The following NALF1 variants were observed in gnomAD, a reference collection of about 807,000 sequenced individuals.
NALF1 encodes NALCN channel auxiliary factor 1.
In NALF1, 3 loss-of-function variants were observed where a neutral mutation model predicts 48.4. The observed-to-expected ratio is 0.06, with a 90% CI of 0.03 to 0.16. The LOEUF (loss-of-function observed/expected upper bound fraction) is 0.16, where lower values mean the gene tolerates loss of function less well. Ranked by LOEUF, NALF1 falls within the 10% of genes least tolerant of loss-of-function variation. NALF1 has a pLI of 1.00. For synonymous variants in NALF1, 262 were observed against 245.7 expected (o/e 1.07, Z -0.62); for missense variants, 526 against 571.5 (o/e 0.92, Z 0.81).
chr13:107,754,550 GT>G (rs546289066), intron 1 of NALF1, among the ~76,000 whole-genome samples: 60 of 149,400 alleles, frequency 4.0e-4, no homozygotes, highest in Non-Finnish European at 6.6e-4. Context: ...TCACTAGATG[GT>G]TTTTTTTTTC....
intron 1 of NALF1, among the ~76,000 whole-genome samples, chr13:107,767,882 T>C (rs1877458740): frequency 6.6e-6 from 1 of 152,222 alleles, no homozygotes; most frequent in African/African-American, 2.4e-5. Flanking sequence ...ATGTTTTATA[T>C]GAGAAGAGAC....
rs554576092 is a variant in NALF1 at position 107,165,883 on chromosome 13, A to G, written c.*4614T>C. ...GAGTCTGTTTCCCTTGTCAAAGTAG[A>G]TATGGTTTTTAAATGACCATGCTGC... is the stretch of plus-strand genomic sequence containing the variant. On this transcript the variant is annotated 3_prime_UTR_variant, in exon 3 of 3. Coordinates refer to ENST00000375915, the MANE Select transcript of NALF1 (RefSeq NM_001080396.3). 6 of 152,246 alleles carry G rather than the reference A, an allele frequency of 3.9e-5. No individual in the cohort carries two copies. In the East Asian group the frequency reaches 1.2e-3, roughly 29 times the overall value. The allele number at this position is 152,246 out of a possible 1,614,324, so 9.4% of individuals were successfully genotyped here. A position where few individuals can be genotyped will look rare whatever the true frequency, so the allele number is the denominator to read the frequency against.
At chr13:107,445,197 T>A (rs1884629242) in intron 1 of NALF1, among the ~76,000 whole-genome samples, 1 of 152,146 alleles carries the variant, frequency 6.6e-6, no homozygotes, top group South Asian at 2.1e-4. Flanking sequence ...ACAATGAAGG[T>A]ACAGAATGAC....
At chr13:107,579,487 G>C (rs116650428) in intron 1 of NALF1, among the ~76,000 whole-genome samples, 2 of 152,176 alleles carry the variant, frequency 1.3e-5, no homozygotes, top group Non-Finnish European at 2.9e-5. Flanking sequence ...AAAGAGAAAA[G>C]CAAAGTCTCT....
At chr13:107,761,732 C>A (rs1291285763) in intron 1 of NALF1, among the ~76,000 whole-genome samples, 1 of 152,262 alleles carries the variant, frequency 6.6e-6, no homozygotes, top group African/African-American at 2.4e-5. Flanking sequence ...GGTTCCAACA[C>A]ATCAAACAAT....
chr13:107,742,553 A>T (rs1025695407), intron 1 of NALF1, among the ~76,000 whole-genome samples: 1 of 152,166 alleles, frequency 6.6e-6, no homozygotes, highest in African/African-American at 2.4e-5. Context: ...GCATGGGTTT[A>T]CTTCCCCTTC....
At chr13:107,797,158 G>GT (rs1446834686) in intron 1 of NALF1, among the ~76,000 whole-genome samples, 2 of 152,070 alleles carry the variant, frequency 1.3e-5, no homozygotes, top group East Asian at 3.9e-4. Context: ...ATGGCGTTTT[G>GT]TTTTTTTATT....
rs373996411 is a variant in NALF1 at position 107,293,311 on chromosome 13, G to A, written c.916-82556C>T. On this transcript the variant is annotated intron_variant, in intron 1 of 2. Coordinates refer to ENST00000375915, the MANE Select transcript of NALF1 (RefSeq NM_001080396.3). The stretch of plus-strand genomic sequence containing the variant: ...GTTATAGTTTTATGGAGCCACCATC[G>A]TACATGTGGTCCATTGTTGACTGAA... Among the ~76,000 whole-genome samples the A allele has an allele frequency of 3.3e-5, 5 of 152,124 alleles. No homozygotes were observed. The East Asian group carries it at 9.6e-4, about 29-fold the overall frequency.
chr13:107,797,593 G>A (rs1878468375), intron 1 of NALF1, among the ~76,000 whole-genome samples: 1 of 152,196 alleles, frequency 6.6e-6, no homozygotes, highest in Non-Finnish European at 1.5e-5. Flanking sequence ...TACGATACAT[G>A]AGTCAGTGTT....
At chr13:107,787,312 A>G (rs1352242923) in intron 1 of NALF1, among the ~76,000 whole-genome samples, 1 of 151,850 alleles carries the variant, frequency 6.6e-6, no homozygotes, top group Non-Finnish European at 1.5e-5. Context: ...TTTTCCAATA[A>G]TATGTTTACA....
At chr13:107,667,477 T>C (rs1391563609) in intron 1 of NALF1, among the ~76,000 whole-genome samples, 4 of 152,098 alleles carry the variant, frequency 2.6e-5, no homozygotes, top group Admixed American at 2.6e-4. Context: ...GCTGAATATT[T>C]GATTTTCATT....
At chr13:107,523,318 A>G (rs1339897701) in intron 1 of NALF1, among the ~76,000 whole-genome samples, 1 of 152,140 alleles carries the variant, frequency 6.6e-6, no homozygotes, top group Non-Finnish European at 1.5e-5. Context: ...GGTATTTTAG[A>G]ATCTCAGTAG....
chr13:107,753,115 C>G (rs1300745899), intron 1 of NALF1, among the ~76,000 whole-genome samples: 2 of 152,146 alleles, frequency 1.3e-5, no homozygotes, highest in Non-Finnish European at 2.9e-5. Flanking sequence ...AAGGCATGTC[C>G]CTGCTTTCCT....
chr13:107,251,001 C>T (rs968439697), intron 1 of NALF1, among the ~76,000 whole-genome samples: 1 of 152,120 alleles, frequency 6.6e-6, no homozygotes, highest in Non-Finnish European at 1.5e-5. Context: ...TCTGCAGAAC[C>T]GTGAGCCAAC....
At chr13:107,789,134 A>C (rs998648986) in intron 1 of NALF1, 2 of 152,250 alleles carry the variant, frequency 1.3e-5, no homozygotes, top group African/African-American at 4.8e-5. Context: ...AGAAATAAGA[A>C]TTAGGAAACA....
chr13:107,224,198 C>A (rs1880054048), intron 1 of NALF1, among the ~76,000 whole-genome samples: 1 of 151,836 alleles, frequency 6.6e-6, no homozygotes, highest in Non-Finnish European at 1.5e-5. Context: ...TAAATGGCAG[C>A]ACCCAGTTTT....
chr13:107,363,805 T>C (rs1056814799), intron 1 of NALF1, among the ~76,000 whole-genome samples: 2 of 152,182 alleles, frequency 1.3e-5, no homozygotes, highest in African/African-American at 2.4e-5. Context: ...CATAAAACAT[T>C]CTATTTTGTT....
At chr13:107,397,385 G>T (rs41529546) in intron 1 of NALF1, among the ~76,000 whole-genome samples, 3,134 of 152,234 alleles carry the variant, frequency 0.021, 112 homozygotes, top group African/African-American at 0.07. Context: ...TGCACAAAAT[G>T]CCAAAGAATC....
intron 1 of NALF1, among the ~76,000 whole-genome samples, chr13:107,518,712 A>T (rs1234313500): frequency 2.0e-5 from 3 of 152,128 alleles, no homozygotes; most frequent in Non-Finnish European, 4.4e-5. Flanking sequence ...AAGAAGAAAT[A>T]AAAAAAGCAG....
Sources: allele counts gnomAD v4.1 joint callset (sites outside exome capture counted in the v4.1 genomes callset), GRCh38; gene constraint gnomAD v4.1.1; transcripts MANE v1.5; gene names NCBI Gene and HGNC (gene_info 2026-07-23, HGNC 2026-07-21).